SATL1: variants seen among roughly 807,000 people sequenced by gnomAD.
The protein encoded by SATL1 is spermidine/spermine N1-acetyl transferase like 1, also known as spermidine/spermine N(1)-acetyltransferase-like protein 1.
Under a neutral mutation model 51.8 loss-of-function variants are expected in SATL1, and 47 were observed. That is an observed-to-expected ratio of 0.91 (90% CI 0.72 to 1.16). The LOEUF (loss-of-function observed/expected upper bound fraction) is 1.16, where lower values mean the gene tolerates loss of function less well. Ranked by LOEUF, SATL1 falls within the 50% of genes most tolerant of loss-of-function variation. The probability of loss-of-function intolerance (pLI) is 0.00; values close to 1 mark genes in which losing one functional copy is unlikely to be tolerated. For missense variants in SATL1, 520 were observed against 526.4 expected, an observed-to-expected ratio of 0.99 and a Z score of 0.12; for synonymous variants, 176 against 182.4, an observed-to-expected ratio of 0.97 and a Z score of 0.28.
chrX:85,205,532 G>A (rs764068628), intron 2 of SATL1, among the ~76,000 whole-genome samples: 43 of 111,988 alleles, frequency 3.8e-4, no homozygotes, highest in Non-Finnish European at 7.5e-4. Context: ...TTTGAATTGA[G>A]AATAAAGACT....
intron 1 of SATL1, among the ~76,000 whole-genome samples, chrX:85,242,362 G>A (rs1028925862): frequency 8.9e-6 from 1 of 112,348 alleles, no homozygotes; most frequent in African/African-American, 3.2e-5. Context: ...AAAAGCTTAA[G>A]TAAATGAAAC....
At chrX:85,116,691 C>T (rs991604351) in intron 2 of SATL1, among the ~76,000 whole-genome samples, 2 of 111,355 alleles carry the variant, frequency 1.8e-5, no homozygotes, top group African/African-American at 3.3e-5. Flanking sequence ...TAACAACCAA[C>T]TGACCATCAC....
At chrX:85,111,871 T>A (rs1219563354) in intron 2 of SATL1, among the ~76,000 whole-genome samples, 1 of 111,592 alleles carries the variant, frequency 9.0e-6, no homozygotes, top group Non-Finnish European at 1.9e-5. Flanking sequence ...CTAAGTAAAA[T>A]CCAGACACTT....
At chrX:85,097,194 A>G (rs1924753720) in intron 4 of SATL1, among the ~76,000 whole-genome samples, 2 of 111,715 alleles carry the variant, frequency 1.8e-5, no homozygotes, top group African/African-American at 6.5e-5. Flanking sequence ...ATGTGAGTTC[A>G]GTAAGACTCG....
chrX:85,176,623 G>C (rs1056373416), intron 2 of SATL1, among the ~76,000 whole-genome samples: 1 of 111,405 alleles, frequency 9.0e-6, no homozygotes, highest in Non-Finnish European at 1.9e-5. Context: ...TAATATGTTT[G>C]CTTTTCTGTA....
rs753642742 is a variant in SATL1, at chrX:85,154,980, TG to T, written c.-312-45701del. ...AAATATTACTTTAAAATTGGAAGAA[TG>T]GGCTTATAAATTGTAATAAAATCAG... On this transcript the variant is annotated intron_variant, in intron 2 of 7. Coordinates refer to ENST00000644105, the MANE Select transcript of SATL1 (RefSeq NM_001367857.2). Among the ~76,000 whole-genome samples the T allele has an allele frequency of 2.4e-3, 264 of 111,645 alleles. 1 individual carries two copies. The highest frequency in any genetic ancestry group is 2.9e-3 in the Non-Finnish European group (154 of 53,035).
intron 2 of SATL1, among the ~76,000 whole-genome samples, chrX:85,149,252 C>A (rs1471976384): frequency 1.8e-5 from 2 of 111,596 alleles, no homozygotes; most frequent in Non-Finnish European, 3.8e-5. Context: ...ATCAATTCAA[C>A]AAGAAGAACT....
rs751611985 is a variant in SATL1 at position 85,138,301 on chromosome X, CCGA to C, written c.-312-29024_-312-29022del. Reference sequence around the variant, plus strand: ...CTTAGTGTCTGCTGTAGTTGTGGTACCGACAACTAAAATTTTCCCTAGTGACCT... The same window carrying C: ...CTTAGTGTCTGCTGTAGTTGTGGTACCAACTAAAATTTTCCCTAGTGACCT... On this transcript the variant is annotated intron_variant, in intron 2 of 7. Coordinates refer to ENST00000644105, the MANE Select transcript of SATL1 (RefSeq NM_001367857.2). Among the ~76,000 whole-genome samples, 51 of 109,917 alleles carry C rather than the reference CCGA, an allele frequency of 4.6e-4. 3 individuals are homozygous for C. The East Asian group carries it at 0.011, about 23-fold the overall frequency.
chrX:85,212,475 A>G (rs1927948697), intron 2 of SATL1, among the ~76,000 whole-genome samples: 1 of 111,558 alleles, frequency 9.0e-6, no homozygotes. Flanking sequence ...GAATAAAAAG[A>G]GAACTGTTTC....
chrX:85,141,818 T>A (rs1200030612), intron 2 of SATL1, among the ~76,000 whole-genome samples: 1 of 109,025 alleles, frequency 9.2e-6, no homozygotes, highest in African/African-American at 3.3e-5. Flanking sequence ...AGAATTAGAG[T>A]CTATCTATGA....
At chrX:85,122,531 C>A (rs1015756070) in intron 2 of SATL1, among the ~76,000 whole-genome samples, 4 of 111,081 alleles carry the variant, frequency 3.6e-5, no homozygotes, top group Admixed American at 9.6e-5. Context: ...GAGCTGGGAC[C>A]CTGCCTGTGT....
At chrX:85,205,302 C>A (rs755064327) in intron 2 of SATL1, among the ~76,000 whole-genome samples, 1 of 112,228 alleles carries the variant, frequency 8.9e-6, no homozygotes, top group South Asian at 3.7e-4. Flanking sequence ...TAAAACCGTT[C>A]TATACATTGG....
chrX:85,226,892 G>A (rs1349649668), intron 1 of SATL1, among the ~76,000 whole-genome samples: 1 of 110,527 alleles, frequency 9.0e-6, no homozygotes, highest in Non-Finnish European at 1.9e-5. Context: ...GCATTCTTTG[G>A]ACCCTATCAG....
intron 2 of SATL1, among the ~76,000 whole-genome samples, chrX:85,179,012 C>T (rs755946506): frequency 9.8e-5 from 11 of 111,834 alleles, no homozygotes; most frequent in Non-Finnish European, 2.1e-4. Flanking sequence ...TGGAACTTTC[C>T]GTGATGATGT....
chrX:85,094,324 T>A, intron 5 of SATL1, 95 bp from the exon 6 acceptor site: 2 of 503,072 alleles, frequency 4.0e-6, no homozygotes, highest in South Asian at 6.6e-5. Context: ...TGTTTAACTA[T>A]TAAAGTAATA....
chrX:85,102,379 T>C (rs1924920822), intron 4 of SATL1, among the ~76,000 whole-genome samples: 1 of 111,467 alleles, frequency 9.0e-6, no homozygotes, highest in Admixed American at 9.6e-5. Flanking sequence ...AGATGGATAG[T>C]GGTGCTGGTT....
Position 85,092,768 on chromosome X carries a change from A to G in SATL1, c.1918-207T>C, listed in dbSNP as rs1030418698. 2.9e-5 allele frequency: 11 copies of G among 378,128 alleles called. No individual in the cohort carries two copies. In the Admixed American group the frequency reaches 5.3e-4, roughly 18 times the overall value. 31.2% of individuals were successfully genotyped at this position (378,128 alleles called of 1,213,427 possible). Reference sequence around the variant, plus strand: ...GCTTTAAAGCCCTCTTTAAAATCTCAAAACTGATTTGCAAAGCCTTTATCA... The same window carrying G: ...GCTTTAAAGCCCTCTTTAAAATCTCGAAACTGATTTGCAAAGCCTTTATCA... On this transcript the variant is annotated intron_variant, in intron 7 of 7. Transcript: ENST00000644105.
At position 85,108,983 on chromosome X, in the gene SATL1, T is replaced by C; in HGVS notation, c.-15A>G. On this transcript the variant is annotated 5_prime_UTR_variant, in exon 3 of 8. Coordinates refer to ENST00000644105, the MANE Select transcript of SATL1 (RefSeq NM_001367857.2). ...GATTGGTTCATGCCCAGTTGATTCCTGCTTTGTTGACTAAGGATGGGGTGG... is the reference window on the plus strand; with the variant it reads ...GATTGGTTCATGCCCAGTTGATTCCCGCTTTGTTGACTAAGGATGGGGTGG... The C allele has an allele frequency of 8.4e-7, 1 of 1,183,518 alleles. No homozygotes were observed. Among genetic ancestry groups the C allele is most frequent in the Non-Finnish European group, 1.1e-6 (1 of 878,774 alleles).
chrX:85,240,584 T>G (rs1263221027), intron 1 of SATL1, among the ~76,000 whole-genome samples: 1 of 108,535 alleles, frequency 9.2e-6, no homozygotes, highest in Non-Finnish European at 1.9e-5. Flanking sequence ...AGATACTGAT[T>G]TTTTTTTTCT....
Sources: gnomAD v4.1 joint callset for allele counts (sites outside exome capture counted in the v4.1 genomes callset) on GRCh38, gnomAD v4.1.1 for gene constraint, MANE v1.5 for transcripts, NCBI Gene and HGNC (gene_info 2026-07-23, HGNC 2026-07-21) for gene names.